TMEM132B: variants seen among roughly 807,000 people sequenced by gnomAD.
TMEM132B encodes transmembrane protein 132B.
A neutral mutation model predicts 90.8 loss-of-function variants in TMEM132B; 18 were observed. That is an observed-to-expected ratio of 0.20 (90% CI 0.14 to 0.29). TMEM132B has a LOEUF of 0.29. TMEM132B is among the 10% of genes least tolerant of loss of function. The pLI, the probability that TMEM132B is intolerant of heterozygous loss-of-function variation, is 1.00. For missense variants in TMEM132B, 1,096 were observed against 1,326.8 expected (o/e 0.83, Z 2.70); for synonymous variants, 504 against 523.3 (o/e 0.96, Z 0.50).
At chr12:125,480,096 C>T (rs1566048757) in intron 3 of TMEM132B, among the ~76,000 whole-genome samples, 2 of 152,140 alleles carry the variant, frequency 1.3e-5, no homozygotes, top group Non-Finnish European at 2.9e-5. Context: ...ATCTCTGGGA[C>T]ACATTTAAAG....
intron 3 of TMEM132B, among the ~76,000 whole-genome samples, chr12:125,510,611 A>G (rs1036578845): frequency 6.6e-6 from 1 of 152,188 alleles, no homozygotes; most frequent in Non-Finnish European, 1.5e-5. Context: ...TAATATAACA[A>G]ATACTCATTC....
At position 125,661,378 on chromosome 12, in the gene TMEM132B, CA is replaced by C. The variant is rs1887202399; in HGVS notation, c.*6669del. ...TCTGGCACTGATAAGCACACTGGCC[CA>C]GGCACTCAGCCTTCTCATTTCATTA... is the stretch of plus-strand genomic sequence containing the variant. On this transcript the variant is annotated 3_prime_UTR_variant, in exon 9 of 9. Transcript: ENST00000682704. 6.6e-6 allele frequency: 1 copy of C among 152,198 alleles called. No homozygotes were observed. The highest frequency in any genetic ancestry group is 2.4e-5 in the African/African-American group (1 of 41,446). The allele number at this position is 152,198 out of a possible 1,614,324, so 9.4% of individuals were successfully genotyped here. A position where few individuals can be genotyped will look rare whatever the true frequency, so the allele number is the denominator to read the frequency against.
chr12:125,243,028 TATATAC>T (rs1166497870), intron 1 of TMEM132B, among the ~76,000 whole-genome samples: 2 of 141,940 alleles, frequency 1.4e-5, no homozygotes, highest in East Asian at 2.0e-4. Flanking sequence ...TATATATATA[TATATAC>T]ACACACACAC....
intron 3 of TMEM132B, among the ~76,000 whole-genome samples, chr12:125,470,449 C>G (rs1188640502): frequency 1.3e-5 from 2 of 152,152 alleles, no homozygotes; most frequent in Non-Finnish European, 2.9e-5. Context: ...TTATTTCTTG[C>G]TCTTGATACA....
chr12:125,354,632 A>C (rs771033507), intron 2 of TMEM132B, among the ~76,000 whole-genome samples: 4 of 152,222 alleles, frequency 2.6e-5, no homozygotes, highest in Non-Finnish European at 5.9e-5. Context: ...GGCATTGCCA[A>C]TTCATTATGC....
chr12:125,539,654 A>G (rs1003729754), intron 4 of TMEM132B, among the ~76,000 whole-genome samples: 1 of 152,200 alleles, frequency 6.6e-6, no homozygotes, highest in Non-Finnish European at 1.5e-5. Flanking sequence ...AGTCATTCAT[A>G]ATATTCCCCT....
At chr12:125,549,809 C>A (rs1190964849) in intron 4 of TMEM132B, among the ~76,000 whole-genome samples, 1 of 152,154 alleles carries the variant, frequency 6.6e-6, no homozygotes, top group Non-Finnish European at 1.5e-5. Flanking sequence ...ATTTTGAACA[C>A]CCAGTAGACA....
intron 1 of TMEM132B, among the ~76,000 whole-genome samples, chr12:125,327,846 A>T (rs1209213628): frequency 6.6e-6 from 1 of 152,210 alleles, no homozygotes; most frequent in Non-Finnish European, 1.5e-5. Context: ...TTCTCAGGAT[A>T]TATAAAGCAG....
intron 1 of TMEM132B, among the ~76,000 whole-genome samples, chr12:125,247,316 A>G (rs1874226704): frequency 6.6e-6 from 1 of 152,192 alleles, no homozygotes; most frequent in African/African-American, 2.4e-5. Context: ...GGCAACTTGC[A>G]TGGGACAGTT....
intron 1 of TMEM132B, among the ~76,000 whole-genome samples, chr12:125,195,264 A>G (rs764508409): frequency 4.7e-4 from 72 of 152,260 alleles, no homozygotes; most frequent in Middle Eastern, 3.4e-3. Flanking sequence ...TGTGGTTAGC[A>G]TTAAGGTGGA....
At chr12:125,405,228 C>CTGGCAGTCCTTCATATTCCTTGGCCCA (rs1173945728) in intron 2 of TMEM132B, among the ~76,000 whole-genome samples, 1 of 152,232 alleles carries the variant, frequency 6.6e-6, no homozygotes, top group Non-Finnish European at 1.5e-5. Context: ...CTGGTTGTTG[C>CTGGCAGTCCTTCATATTCCTTGGCCCA]TGGCAGTCCT....
chr12:125,617,725 T>TC (rs1886024126), intron 5 of TMEM132B, among the ~76,000 whole-genome samples: 1 of 152,132 alleles, frequency 6.6e-6, no homozygotes, highest in African/African-American at 2.4e-5. Context: ...TCCACTACTT[T>TC]CCAGCTTATC....
chr12:125,541,915 C>T (rs946136104), intron 4 of TMEM132B, among the ~76,000 whole-genome samples: 12 of 148,828 alleles, frequency 8.1e-5, no homozygotes, highest in African/African-American at 2.5e-4. Flanking sequence ...GTCCCAGCTA[C>T]TTGGGAGGCT....
chr12:125,258,948 G>A (rs117691953), intron 1 of TMEM132B, among the ~76,000 whole-genome samples: 66 of 152,238 alleles, frequency 4.3e-4, no homozygotes, highest in Non-Finnish European at 7.5e-4. Context: ...GCAGCGGAGA[G>A]GCATTGTATC....
chr12:125,447,028 A>G (rs941951485), intron 3 of TMEM132B, among the ~76,000 whole-genome samples: 3 of 152,156 alleles, frequency 2.0e-5, no homozygotes, highest in Non-Finnish European at 2.9e-5. Flanking sequence ...GCTATTTTAT[A>G]CCAGTTTTCT....
At chr12:125,538,130 G>T (rs1173515637) in intron 4 of TMEM132B, among the ~76,000 whole-genome samples, 1 of 152,208 alleles carries the variant, frequency 6.6e-6, no homozygotes, top group African/African-American at 2.4e-5. Flanking sequence ...TGGAAACATT[G>T]TCGATCATCT....
At chr12:125,301,036 T>C (rs1182562034) in intron 1 of TMEM132B, 1 of 152,146 alleles carries the variant, frequency 6.6e-6, no homozygotes, top group Non-Finnish European at 1.5e-5. Context: ...TGTATATATA[T>C]ATATGTATGT....
chr12:125,336,896 CCT>C (rs1431901567), intron 1 of TMEM132B, among the ~76,000 whole-genome samples: 4 of 152,176 alleles, frequency 2.6e-5, no homozygotes, highest in Admixed American at 1.3e-4. Context: ...AGTGAATTTT[CCT>C]CTCTTATTTA....
At chr12:125,299,163 C>T (rs771041939) in intron 1 of TMEM132B, among the ~76,000 whole-genome samples, 8 of 152,210 alleles carry the variant, frequency 5.3e-5, no homozygotes, top group Non-Finnish European at 8.8e-5. Flanking sequence ...GCCATCCATT[C>T]TTTTACCTTG....
Sources: gnomAD v4.1 joint callset for allele counts (sites outside exome capture counted in the v4.1 genomes callset) on GRCh38, gnomAD v4.1.1 for gene constraint, MANE v1.5 for transcripts, NCBI Gene and HGNC (gene_info 2026-07-23, HGNC 2026-07-21) for gene names.